Variants in PKD2 observed in about 807,000 individuals in gnomAD.
PKD2 encodes polycystin-2.
PKD2 carries 48 observed loss-of-function variants against 105.9 expected under a neutral mutation model. The ratio of observed to expected loss-of-function variants is 0.45; its 90% CI spans 0.36 to 0.58. The LOEUF is 0.58. PKD2 is among the 20% of genes least tolerant of loss of function. The pLI, the probability that PKD2 is intolerant of heterozygous loss-of-function variation, is 0.00. For missense variants in PKD2, 1,078 were observed against 1,255.3 expected (o/e 0.86, Z 2.13); for synonymous variants, 464 against 481.1 (o/e 0.96, Z 0.46).
In PKD2 at chr4:88,007,695, C is replaced by A; in HGVS notation, c.-39C>A. 8.7e-7 allele frequency: 1 copy of A among 1,143,782 alleles called. No individual in the cohort carries two copies. The allele number at this position is 1,143,782 out of a possible 1,614,324, so 70.9% of individuals were successfully genotyped here. ...CTCCTGAGGCGCACAGCGCCGAGCG[C>A]GGCGCCGCGCACCCGCGCGCCGGAC... On this transcript the variant is annotated 5_prime_UTR_variant, in exon 1 of 15. Coordinates refer to ENST00000237596, the MANE Select transcript of PKD2 (RefSeq NM_000297.4).
chr4:88,028,805 TA>T (rs976382728), intron 2 of PKD2, among the ~76,000 whole-genome samples: 2 of 152,178 alleles, frequency 1.3e-5, no homozygotes, highest in African/African-American at 4.8e-5. Context: ...CATTTTAAAG[TA>T]AAAAAATCAG....
At chr4:88,037,020 G>A (rs574241871) in intron 3 of PKD2, among the ~76,000 whole-genome samples, 1 of 152,252 alleles carries the variant, frequency 6.6e-6, no homozygotes, top group Non-Finnish European at 1.5e-5. Flanking sequence ...CTTTAGCCCA[G>A]GATTTTGAAA....
At chr4:88,022,806 G>C (rs200529074) in intron 2 of PKD2, among the ~76,000 whole-genome samples, 2 of 152,326 alleles carry the variant, frequency 1.3e-5, no homozygotes, top group South Asian at 2.1e-4. Flanking sequence ...GGTTTGGCCA[G>C]GCACTGTGGA....
At chr4:88,047,118 A>G (rs984285920) in intron 6 of PKD2, among the ~76,000 whole-genome samples, 12 of 152,158 alleles carry the variant, frequency 7.9e-5, no homozygotes, top group Admixed American at 4.6e-4. Context: ...TCAGTAATTC[A>G]TATTTGGCTT....
At position 88,008,158 on chromosome 4, in the gene PKD2, G is replaced by A; in HGVS notation, c.425G>A (p.Gly142Glu). ...SSVGARSRGL[G>E]GYHGAGHPSG... ...GTGGGCGCGCGGAGCCGGGGGCTTG[G>A]GGGCTACCACGGCGCGGGCCACCCG... is the stretch of plus-strand genomic sequence containing the variant. Residue 142 changes from glycine (G) to glutamate (E), a missense_variant, in exon 1 of 15, where the codon GGG (glycine) becomes GAG (glutamate). Transcript: ENST00000237596. 6.9e-7 allele frequency: 1 copy of A among 1,457,174 alleles called. No individual in the cohort carries two copies. The highest frequency in any genetic ancestry group is 1.5e-5 in the African/African-American group (1 of 68,152). 90.3% of individuals were successfully genotyped at this position (1,457,174 alleles called of 1,614,324 possible).
At chr4:88,025,851 C>G (rs947868584) in intron 2 of PKD2, among the ~76,000 whole-genome samples, 9 of 151,938 alleles carry the variant, frequency 5.9e-5, no homozygotes, top group Admixed American at 5.9e-4. Flanking sequence ...TGTCACTTAC[C>G]CCTTCTTTTT....
chr4:88,045,977 T>C (rs998430588), intron 5 of PKD2, among the ~76,000 whole-genome samples: 10 of 152,126 alleles, frequency 6.6e-5, no homozygotes, highest in Non-Finnish European at 8.8e-5. Context: ...TGTTGCCTAG[T>C]AGAAGGACTT....
intron 4 of PKD2, among the ~76,000 whole-genome samples, chr4:88,042,610 C>A (rs938621493): frequency 6.6e-6 from 1 of 152,212 alleles, no homozygotes; most frequent in Non-Finnish European, 1.5e-5. Context: ...ATAAGGACAG[C>A]TTTCCTCTGA....
At position 88,046,939 on chromosome 4, in the gene PKD2, C is replaced by A. The variant is rs1727797987; in HGVS notation, c.1548+69C>A. The stretch of plus-strand genomic sequence containing the variant: ...GCATGTTAACTAGAGTCTTTGATCT[C>A]CTCAGCATTGTGGATCTTGATATTC... On this transcript the variant is annotated intron_variant, in intron 6 of 14. Coordinates refer to ENST00000237596, the MANE Select transcript of PKD2 (RefSeq NM_000297.4). The A allele has an allele frequency of 6.6e-6, 6 of 903,396 alleles. No individual in the cohort carries two copies. The Admixed American group carries it at 6.8e-5, about 10-fold the overall frequency. The allele number at this position is 903,396 out of a possible 1,614,324, so 56.0% of individuals were successfully genotyped here.
At chr4:88,061,835 CA>C (rs2110133807) in intron 9 of PKD2, 70 bp from the exon 10 acceptor site, 1 of 794,702 alleles carries the variant, frequency 1.3e-6, no homozygotes, top group East Asian at 2.5e-5. Flanking sequence ...AGGCATGTGT[CA>C]TTTTTTTGAT....
intron 9 of PKD2, among the ~76,000 whole-genome samples, chr4:88,060,092 A>G (rs1720514793): frequency 6.6e-6 from 1 of 152,194 alleles, no homozygotes; most frequent in African/African-American, 2.4e-5. Flanking sequence ...GCCTTTCTCA[A>G]GCACTTTCTA....
intron 4 of PKD2, among the ~76,000 whole-genome samples, chr4:88,041,408 C>G (rs144556683): frequency 1.3e-5 from 2 of 152,154 alleles, no homozygotes; most frequent in Non-Finnish European, 1.5e-5. Flanking sequence ...CAGTGATTCA[C>G]TAGAAGGACT....
intron 5 of PKD2, among the ~76,000 whole-genome samples, chr4:88,045,295 T>A (rs1404815518): frequency 5.9e-5 from 9 of 152,224 alleles, no homozygotes; most frequent in Non-Finnish European, 1.3e-4. Flanking sequence ...GGCTCTTGGC[T>A]TCAGAGTTGC....
At position 88,073,287 on chromosome 4, in the gene PKD2, AAGGC is replaced by A. The variant is rs373158204; in HGVS notation, c.2523-1516_2523-1513del. On this transcript the variant is annotated intron_variant, in intron 13 of 14. Transcript: ENST00000237596. The stretch of plus-strand genomic sequence containing the variant: ...TGTAATCCCAGCACTTTGGAAGGCC[AAGGC>A]AGGCAGGCGGATCACCTGAGGTCAG... Among the ~76,000 whole-genome samples the A allele has an allele frequency of 6.4e-4, 97 of 152,042 alleles. No individual in the cohort carries two copies. The South Asian group carries it at 9.5e-3, about 15-fold the overall frequency.
intron 5 of PKD2, 29 bp downstream of exon 5, chr4:88,043,486 A>G (rs1727655716): frequency 6.8e-7 from 1 of 1,461,834 alleles, no homozygotes; most frequent in Non-Finnish European, 9.6e-7. Context: ...CATCCCTCCT[A>G]TTTCTGTGTG....
Position 88,037,664 on chromosome 4 carries a change from C to A in PKD2, c.844-587C>A, listed in dbSNP as rs144448993. Reference sequence around the variant, plus strand: ...TTGATCATCTGACAAGGATAGCACACTGAGAAATAGATCTGTCTTCCCTAC... The same window carrying A: ...TTGATCATCTGACAAGGATAGCACAATGAGAAATAGATCTGTCTTCCCTAC... On this transcript the variant is annotated intron_variant, in intron 3 of 14. Coordinates refer to ENST00000237596, the MANE Select transcript of PKD2 (RefSeq NM_000297.4). 2.0e-3 allele frequency among the ~76,000 whole-genome samples: 300 copies of A among 152,294 alleles called. 1 individual carries two copies. The highest frequency in any genetic ancestry group is 6.9e-3 in the African/African-American group (286 of 41,546).
intron 6 of PKD2, among the ~76,000 whole-genome samples, chr4:88,048,177 G>C (rs1254548255): frequency 1.3e-5 from 2 of 152,090 alleles, no homozygotes; most frequent in African/African-American, 4.8e-5. Flanking sequence ...CCTTCCCACT[G>C]TCCTATGATA....
At chr4:88,058,359 G>A (rs1720440539) in intron 9 of PKD2, among the ~76,000 whole-genome samples, 1 of 151,972 alleles carries the variant, frequency 6.6e-6, no homozygotes, top group Non-Finnish European at 1.5e-5. Context: ...TCTCTTCCAT[G>A]GTCTTTCATT....
At chr4:88,033,426 C>G (rs1299561763) in intron 2 of PKD2, among the ~76,000 whole-genome samples, 1 of 114,824 alleles carries the variant, frequency 8.7e-6, no homozygotes, top group Non-Finnish European at 1.8e-5. Context: ...GACCTTATCT[C>G]AAAAAAAAAA....
Sources: gnomAD v4.1 joint callset for allele counts (sites outside exome capture counted in the v4.1 genomes callset) on GRCh38, gnomAD v4.1.1 for gene constraint, MANE v1.5 for transcripts, NCBI Gene and HGNC (gene_info 2026-07-23, HGNC 2026-07-21) for gene names.